DAO: variants seen among roughly 807,000 people sequenced by gnomAD.
DAO encodes D-amino acid oxidase.
Under a neutral mutation model 50.1 loss-of-function variants are expected in DAO, and 51 were observed. That is an observed-to-expected ratio of 1.02 (90% CI 0.81 to 1.29). DAO has a LOEUF of 1.29. DAO is among the 50% of genes most tolerant of loss of function. DAO has a pLI of 0.00. For synonymous variants in DAO, 160 were observed against 166.2 expected, an observed-to-expected ratio of 0.96 and a Z score of 0.29; for missense variants, 436 against 439.4, an observed-to-expected ratio of 0.99 and a Z score of 0.07.
At chr12:108,895,591 C>CGT (rs1277803790) in intron 7 of DAO, among the ~76,000 whole-genome samples, 1 of 111,996 alleles carries the variant, frequency 8.9e-6, no homozygotes, top group African/African-American at 3.7e-5. Flanking sequence ...AGTGTATGTA[C>CGT]GTGTGTGATG....
intron 3 of DAO, among the ~76,000 whole-genome samples, chr12:108,889,253 G>A (rs1039069904): frequency 4.6e-5 from 7 of 151,936 alleles, no homozygotes; most frequent in Admixed American, 1.3e-4. Context: ...TTACAGGCAT[G>A]CACCACCATA....
chr12:108,889,435 C>G (rs2039466025), intron 3 of DAO, 34 bp from the exon 4 acceptor site: 2 of 1,500,048 alleles, frequency 1.3e-6, no homozygotes, highest in African/African-American at 2.8e-5. Context: ...TGACTTCCAT[C>G]CCACCCAGTG....
intron 7 of DAO, among the ~76,000 whole-genome samples, chr12:108,896,279 T>C (rs1370440196): frequency 2.0e-5 from 3 of 151,176 alleles, no homozygotes; most frequent in African/African-American, 4.9e-5. Context: ...AAAAATTAGC[T>C]GGGTGTGGTG....
At chr12:108,896,432 A>AAAT (rs1197757334) in intron 7 of DAO, among the ~76,000 whole-genome samples, 1 of 151,404 alleles carries the variant, frequency 6.6e-6, no homozygotes, top group Admixed American at 6.6e-5. Flanking sequence ...AAAAAAAAAA[A>AAAT]AAAAAAAAAA....
intron 5 of DAO, among the ~76,000 whole-genome samples, chr12:108,891,635 C>T (rs1015792975): frequency 6.6e-6 from 1 of 151,638 alleles, no homozygotes; most frequent in Non-Finnish European, 1.5e-5. Flanking sequence ...ACTTTGTCAC[C>T]CAGGCTGGAG....
chr12:108,893,033 G>C lies in DAO; in HGVS notation c.504G>C (p.Glu168Asp), dbSNP rs948201301. Residue 168 changes from glutamate (E) to aspartate (D), a missense_variant, in exon 6 of 11, where the codon GAG (glutamate) becomes GAC (aspartate). By Grantham distance (45) the Glu-to-Asp change is conservative (BLOSUM62 2). Transcript: ENST00000228476. Reference sequence around the variant, plus strand: ...TCCAGCGGAAAGTGGAGTCTTTTGAGGAGGTGAGTTGCAGGGCTGATGCGG... The same window carrying C: ...TCCAGCGGAAAGTGGAGTCTTTTGACGAGGTGAGTTGCAGGGCTGATGCGG... ...KFFQRKVESF[E>D]EVAREGADVI... 6.2e-7 allele frequency: 1 copy of C among 1,613,780 alleles called. No homozygotes were observed. Among genetic ancestry groups the C allele is most frequent in the Non-Finnish European group, 8.5e-7 (1 of 1,179,814 alleles).
rs1204487254 is a variant in DAO, at chr12:108,900,406, C to T, written c.915C>T (p.Val305=). The T allele has an allele frequency of 1.2e-6, 2 of 1,614,010 alleles. No individual in the cohort carries two copies. The highest frequency in any genetic ancestry group is 1.7e-6 in the Non-Finnish European group (2 of 1,179,936). The change falls in exon 11 of 11, where the codon GTC becomes GTT. Residue 305 remains valine (V), a splice_region_variant and synonymous_variant. Coordinates refer to ENST00000228476, the MANE Select transcript of DAO (RefSeq NM_001917.5). ...QLRTGPSNTE[V]IHNYGHGGYG... is the part of the protein sequence containing the mutation. ...ACCTTCTCTCTTGCCTCTCCTAGGT[C>T]ATCCACAACTATGGCCATGGAGGCT...
At chr12:108,893,120 TCTC>T (rs960716738) in intron 6 of DAO, 84 bp downstream of exon 6, 3 of 1,280,706 alleles carry the variant, frequency 2.3e-6, no homozygotes, top group Non-Finnish European at 3.4e-6. Context: ...GGGGCTCCCT[TCTC>T]AGGCTCCTAG....
intron 1 of DAO, among the ~76,000 whole-genome samples, chr12:108,881,680 C>T (rs1593155855): frequency 6.7e-6 from 1 of 148,572 alleles, no homozygotes; most frequent in African/African-American, 2.5e-5. Context: ...TTTCTGCCCA[C>T]TGCAATCTCC....
At position 108,896,399 on chromosome 12, in the gene DAO, G is replaced by T. The variant is rs1323475799; in HGVS notation, c.613-607G>T. On this transcript the variant is annotated intron_variant, in intron 7 of 10. Coordinates refer to ENST00000228476, the MANE Select transcript of DAO (RefSeq NM_001917.5). ...GACTACACCACTGCACTCCAGCCTG[G>T]CAACAGAGCGAGGCTGTCTCAAAAA... Among the ~76,000 whole-genome samples, 3 of 120,922 alleles carry T rather than the reference G, an allele frequency of 2.5e-5. No homozygotes were observed. In the East Asian group the frequency reaches 8.0e-4, roughly 32 times the overall value. 79.3% of individuals were successfully genotyped at this position (120,922 alleles called of 152,430 possible).
chr12:108,887,609 G>A (rs1691784249), intron 3 of DAO, 45 bp downstream of exon 3: 1 of 1,392,422 alleles, frequency 7.2e-7, no homozygotes, highest in Middle Eastern at 1.8e-4. Flanking sequence ...ACCCAGGGCT[G>A]GGGTAGTGAG....
At chr12:108,883,585 A>T (rs970141542) in intron 1 of DAO, 2 of 456,040 alleles carry the variant, frequency 4.4e-6, no homozygotes, top group Admixed American at 2.4e-5. Flanking sequence ...TAAACTTCTT[A>T]TTTAATCCTT....
At position 108,900,429 on chromosome 12, in the gene DAO, G is replaced by C; in HGVS notation, c.938G>C (p.Gly313Ala). ...TEVIHNYGHG[G>A]YGLTIHWGCA... ...GTCATCCACAACTATGGCCATGGAG[G>C]CTACGGGCTCACCATCCACTGGGGA... is the stretch of plus-strand genomic sequence containing the variant. Residue 313 changes from glycine to alanine, a missense_variant, in exon 11 of 11, where the codon GGC (glycine) becomes GCC (alanine). By Grantham distance (60) the Gly-to-Ala change is moderately conservative. Transcript: ENST00000228476. The C allele has an allele frequency of 6.2e-7, 1 of 1,614,108 alleles. No homozygotes were observed. The highest frequency in any genetic ancestry group is 1.7e-4 in the Middle Eastern group (1 of 6,058).
chr12:108,897,507 G>A (rs1024817778), intron 8 of DAO, among the ~76,000 whole-genome samples: 10 of 150,954 alleles, frequency 6.6e-5, no homozygotes, highest in South Asian at 2.2e-4. Flanking sequence ...GTGAGCCACC[G>A]TGCCTGGCCC....
At chr12:108,898,943 T>G in intron 9 of DAO, 147 bp downstream of exon 9, 4 of 712,536 alleles carry the variant, frequency 5.6e-6, no homozygotes, top group Non-Finnish European at 1.0e-5. Flanking sequence ...AATTTGATAA[T>G]GTACAGGGAA....
At chr12:108,889,447 C>A (rs770412602) in intron 3 of DAO, 22 bp from the exon 4 acceptor site, 1 of 1,579,454 alleles carries the variant, frequency 6.3e-7, no homozygotes, top group East Asian at 2.3e-5. Context: ...CACCCAGTGC[C>A]CCCTTTGTCC....
chr12:108,895,968 C>T (rs1425196391), intron 7 of DAO, among the ~76,000 whole-genome samples: 1 of 151,662 alleles, frequency 6.6e-6, no homozygotes, highest in Non-Finnish European at 1.5e-5. Context: ...ACGCGAGTCA[C>T]AGATGCACCT....
rs185772995 is a variant in DAO at position 108,885,245 on chromosome 12, A to G, written c.194+45A>G. On this transcript the variant is annotated intron_variant, in intron 2 of 10. Transcript: ENST00000228476. ...GGTAGCCTGGGGTGCCCATGGACCT[A>G]AGTCTGCAGAGGGAGTCAGGGTTCC... 1.1e-5 allele frequency: 17 copies of G among 1,576,458 alleles called. No homozygotes were observed. The Admixed American group carries it at 1.8e-4, about 17-fold the overall frequency.
At chr12:108,898,137 A>T (rs2039580996) in intron 8 of DAO, among the ~76,000 whole-genome samples, 1 of 152,086 alleles carries the variant, frequency 6.6e-6, no homozygotes, top group Admixed American at 6.6e-5. Context: ...TTGATGGGGA[A>T]GACAGCGTTC....
Sources: gnomAD v4.1 joint callset for allele counts (sites outside exome capture counted in the v4.1 genomes callset) on GRCh38, gnomAD v4.1.1 for gene constraint, MANE v1.5 for transcripts, NCBI Gene and HGNC (gene_info 2026-07-23, HGNC 2026-07-21) for gene names.